The following RUSF1 variants were observed in gnomAD, a reference collection of about 807,000 sequenced individuals.
RUSF1 encodes RUS family member 1.
In RUSF1, 58 loss-of-function variants were observed where a neutral mutation model predicts 63.0. The observed-to-expected ratio is 0.92, with a 90% CI of 0.75 to 1.15. The LOEUF (loss-of-function observed/expected upper bound fraction) is 1.15. Ranked by LOEUF, RUSF1 falls within the 50% of genes most tolerant of loss-of-function variation. The pLI is 0.00. For missense variants in RUSF1, 652 were observed against 611.0 expected, an observed-to-expected ratio of 1.07 and a Z score of -0.71; for synonymous variants, 274 against 255.8, an observed-to-expected ratio of 1.07 and a Z score of -0.68.
At chr16:31,503,468 G>T (rs1285184849) in intron 2 of RUSF1, among the ~76,000 whole-genome samples, 2 of 152,038 alleles carry the variant, frequency 1.3e-5, no homozygotes, top group African/African-American at 4.8e-5. Context: ...CAAAATATTA[G>T]CAACAAGTTT....
rs748033827 is a variant in RUSF1, at chr16:31,490,926, T to C, written c.1316A>G (p.Gln439Arg). 1.9e-6 allele frequency: 3 copies of C among 1,614,054 alleles called. No individual in the cohort carries two copies. Among genetic ancestry groups the C allele is most frequent in the South Asian group, 1.1e-5 (1 of 91,072 alleles). ...CTTCTCGGTCTTCCAGCCGGCATCC[T>C]GCAGTCCTGGGGAGAGATCATGGGG... ...MLFPKFLKGL[Q>R]DAGWKTEKHQ... Residue 439 changes from glutamine to arginine, a missense_variant, in exon 13 of 13, where the codon CAG becomes CGG. By Grantham distance (43) the Gln-to-Arg change is conservative (BLOSUM62 1). Transcript: ENST00000327237.
At chr16:31,493,578 G>A in intron 8 of RUSF1, 25 bp downstream of exon 8, 1 of 1,614,168 alleles carries the variant, frequency 6.2e-7, no homozygotes, top group South Asian at 1.1e-5. Context: ...TGAGACACAG[G>A]ACCCGAGACC....
At position 31,489,553 on chromosome 16, in the gene RUSF1, TAAAGCCTCCC is replaced by T; in HGVS notation, c.*1272_*1281del. 3.3e-6 allele frequency: 2 copies of T among 612,110 alleles called. No homozygotes were observed. The highest frequency in any genetic ancestry group is 5.8e-6 in the Non-Finnish European group (2 of 342,472). The allele number at this position is 612,110 out of a possible 1,614,324, so 37.9% of individuals were successfully genotyped here. A position where few individuals can be genotyped will look rare whatever the true frequency, so the allele number is the denominator to read the frequency against. ...GGCTTGATGTTGATGGGTTGGTGAT[TAAAGCCTCCC>T]AAAGCCAATCCTTGGCATGGCCTTT... is the stretch of plus-strand genomic sequence containing the variant. On this transcript the variant is annotated 3_prime_UTR_variant, in exon 13 of 13. Coordinates refer to ENST00000327237, the MANE Select transcript of RUSF1 (RefSeq NM_022744.4).
Position 31,508,184 on chromosome 16 carries a change from C to T in RUSF1, c.190G>A (p.Gly64Arg), listed in dbSNP as rs572430920. The change falls in exon 1 of 13, where the codon GGG becomes AGG. Residue 64 changes from glycine to arginine, a missense_variant. By Grantham distance (125) the Gly-to-Arg change is moderately radical (BLOSUM62 -2). Transcript: ENST00000327237. ...GRDAGEVGAS[G>R]APSPPLSGLQ... is the part of the protein sequence containing the mutation. ...CCGGAGAGGGGCGGTGAGGGGGCCC[C>T]GGAAGCCCCCACTTCGCCCGCATCT... 4 of 1,570,364 alleles carry T rather than the reference C, an allele frequency of 2.5e-6. No homozygotes were observed. The highest frequency in any genetic ancestry group is 1.7e-4 in the Middle Eastern group (1 of 5,972).
At position 31,489,883 on chromosome 16, in the gene RUSF1, A is replaced by G; in HGVS notation, c.*952T>C. On this transcript the variant is annotated 3_prime_UTR_variant, in exon 13 of 13. Transcript: ENST00000327237. ...CCTGAGCTGACAAAGCTGGGGGAGC[A>G]AGGCCAACGGCTTTAAACACAAGCT... 1.7e-6 allele frequency: 1 copy of G among 592,160 alleles called. No individual in the cohort carries two copies. The allele number at this position is 592,160 out of a possible 1,614,324, so 36.7% of individuals were successfully genotyped here. A position where few individuals can be genotyped will look rare whatever the true frequency, so the allele number is the denominator to read the frequency against.
intron 12 of RUSF1, 100 bp from the exon 13 acceptor site, chr16:31,491,032 G>A: frequency 2.7e-6 from 3 of 1,094,480 alleles, no homozygotes; most frequent in South Asian, 1.3e-5. Context: ...GGCTCCCACT[G>A]CCTCTGCTGG....
At chr16:31,491,332 T>A (rs1567393997) in intron 12 of RUSF1, among the ~76,000 whole-genome samples, 1 of 152,040 alleles carries the variant, frequency 6.6e-6, no homozygotes, top group South Asian at 2.1e-4. Flanking sequence ...TCCATCTTTT[T>A]TTTTTTTTTG....
intron 5 of RUSF1, among the ~76,000 whole-genome samples, 188 bp from the exon 6 acceptor site, chr16:31,497,138 C>T (rs2082608016): frequency 6.6e-6 from 1 of 152,154 alleles, no homozygotes; most frequent in Non-Finnish European, 1.5e-5. Context: ...TCCCACCTGC[C>T]ACTATCACCT....
At position 31,489,596 on chromosome 16, in the gene RUSF1, A is replaced by C; in HGVS notation, c.*1239T>G. The C allele has an allele frequency of 1.7e-6, 1 of 582,108 alleles. No individual in the cohort carries two copies. 36.1% of individuals were successfully genotyped at this position (582,108 alleles called of 1,614,324 possible). A position where few individuals can be genotyped will look rare whatever the true frequency, so the allele number is the denominator to read the frequency against. ...ATCCTTGGCATGGCCTTTGGGACTCAAAACACAGGATCTGACTGGTGGGCA... is the reference window on the plus strand; with the variant it reads ...ATCCTTGGCATGGCCTTTGGGACTCCAAACACAGGATCTGACTGGTGGGCA... On this transcript the variant is annotated 3_prime_UTR_variant, in exon 13 of 13. Coordinates refer to ENST00000327237, the MANE Select transcript of RUSF1 (RefSeq NM_022744.4).
rs893453236 is a variant in RUSF1, at chr16:31,490,462, G to A, written c.*373C>T. ...GAGGACATCAGCGAGGACCCGAGCT[G>A]GGCCCGTGTGGTCAACCTCAATGCC... On this transcript the variant is annotated 3_prime_UTR_variant, in exon 13 of 13. Coordinates refer to ENST00000327237, the MANE Select transcript of RUSF1 (RefSeq NM_022744.4). 8 of 1,613,906 alleles carry A rather than the reference G, an allele frequency of 5.0e-6. No homozygotes were observed. In the Admixed American group the frequency reaches 1.2e-4, roughly 24 times the overall value.
rs1186832050 is a variant in RUSF1 at position 31,490,057 on chromosome 16, A to C, written c.*778T>G. 1 of 1,611,398 alleles carries C rather than the reference A, an allele frequency of 6.2e-7. No individual in the cohort carries two copies. The highest frequency in any genetic ancestry group is 2.2e-5 in the East Asian group (1 of 44,854). On this transcript the variant is annotated 3_prime_UTR_variant, in exon 13 of 13. Coordinates refer to ENST00000327237, the MANE Select transcript of RUSF1 (RefSeq NM_022744.4). ...TGTGCAAGAGACTTTAGGGCCAGGC[A>C]TGGGGGGACAGAACTCCCACCTCGT... is the stretch of plus-strand genomic sequence containing the variant.
intron 3 of RUSF1, 22 bp from the exon 4 acceptor site, chr16:31,499,547 T>C: frequency 6.3e-7 from 1 of 1,592,342 alleles, no homozygotes; most frequent in South Asian, 1.1e-5. Context: ...GAGAGGTTGT[T>C]GTAATTTGGA....
At position 31,507,773 on chromosome 16, in the gene RUSF1, G is replaced by C. The variant is rs771194390; in HGVS notation, c.406C>G (p.Leu136Val). 1 of 1,566,104 alleles carries C rather than the reference G, an allele frequency of 6.4e-7. No homozygotes were observed. The highest frequency in any genetic ancestry group is 8.7e-7 in the Non-Finnish European group (1 of 1,154,902). The change falls in exon 2 of 13, where the codon CTC becomes GTC. Residue 136 changes from leucine (L) to valine (V), a missense_variant. Physicochemically the swap from Leu to Val is conservative, Grantham distance 32. Coordinates refer to ENST00000327237, the MANE Select transcript of RUSF1 (RefSeq NM_022744.4). The part of the protein sequence containing the change: ...ATVSAATATW[L>V]VKDSTGMLGR... ...CAGGGGTGCAGCTCACCTTTCACGA[G>C]CCAGGTGGCCGTGGCAGCTGAAACA...
rs748585579 is a variant in RUSF1 at position 31,490,473 on chromosome 16, G to C, written c.*362C>G. 1 of 1,614,030 alleles carries C rather than the reference G, an allele frequency of 6.2e-7. No homozygotes were observed. Among genetic ancestry groups the C allele is most frequent in the Non-Finnish European group, 8.5e-7 (1 of 1,180,012 alleles). On this transcript the variant is annotated 3_prime_UTR_variant, in exon 13 of 13. Transcript: ENST00000327237. ...CGAGGACCCGAGCTGGGCCCGTGTG[G>C]TCAACCTCAATGCCCTGCTCATGAT...
intron 12 of RUSF1, 135 bp from the exon 13 acceptor site, chr16:31,491,067 G>C (rs1007649314): frequency 2.7e-6 from 2 of 749,798 alleles, no homozygotes; most frequent in African/African-American, 3.5e-5. Flanking sequence ...AAATGAGGCT[G>C]AAACCACACC....
intron 2 of RUSF1, among the ~76,000 whole-genome samples, chr16:31,503,785 C>T (rs905161405): frequency 1.3e-5 from 2 of 152,176 alleles, no homozygotes; most frequent in African/African-American, 4.8e-5. Context: ...ACCTCAGCCT[C>T]CTGTGTAGCT....
At chr16:31,492,150 T>C in intron 11 of RUSF1, 47 bp downstream of exon 11, 1 of 1,612,042 alleles carries the variant, frequency 6.2e-7, no homozygotes, top group East Asian at 2.2e-5. Flanking sequence ...TTGTCCTCTC[T>C]CCTCCCCACC....
chr16:31,492,932 G>A (rs1246165678), intron 10 of RUSF1, 46 bp downstream of exon 10: 1 of 1,559,334 alleles, frequency 6.4e-7, no homozygotes, highest in Non-Finnish European at 8.7e-7. Context: ...ATGAGAGGCT[G>A]ACCTGGGAGG....
chr16:31,489,542 G>A lies in RUSF1; in HGVS notation c.*1293C>T, dbSNP rs1405267898. 1.9e-5 allele frequency: 12 copies of A among 621,882 alleles called. No homozygotes were observed. The highest frequency in any genetic ancestry group is 3.7e-5 in the African/African-American group (2 of 54,668). The allele number at this position is 621,882 out of a possible 1,614,324, so 38.5% of individuals were successfully genotyped here. A position where few individuals can be genotyped will look rare whatever the true frequency, so the allele number is the denominator to read the frequency against. On this transcript the variant is annotated 3_prime_UTR_variant, in exon 13 of 13. Transcript: ENST00000327237. ...GGCCTGGGGGAGGCTTGATGTTGAT[G>A]GGTTGGTGATTAAAGCCTCCCAAAG...
Sources: gnomAD v4.1 joint callset for allele counts (sites outside exome capture counted in the v4.1 genomes callset) on GRCh38, gnomAD v4.1.1 for gene constraint, MANE v1.5 for transcripts, NCBI Gene and HGNC (gene_info 2026-07-23, HGNC 2026-07-21) for gene names.